C17orf75: variants seen among roughly 807,000 people sequenced by gnomAD.
The protein encoded by C17orf75 is chromosome 17 open reading frame 75, also known as protein Njmu-R1.
Under a neutral mutation model 49.6 loss-of-function variants are expected in C17orf75, and 32 were observed. The observed-to-expected ratio is 0.65, with a 90% confidence interval of 0.49 to 0.87. The LOEUF is 0.87. Among genes scored for constraint, C17orf75 ranks in the 40% least tolerant of loss-of-function variants. C17orf75 has a pLI of 0.00. For synonymous variants in C17orf75, 158 were observed against 159.5 expected (o/e 0.99, Z 0.07); for missense variants, 428 against 473.9 (o/e 0.90, Z 0.90).
chr17:32,337,441 C>T (rs2150776484), intron 5 of C17orf75, among the ~76,000 whole-genome samples: 1 of 151,142 alleles, frequency 6.6e-6, no homozygotes, highest in South Asian at 2.1e-4. Context: ...GCAGCCTGGG[C>T]AACAAAGCAA....
intron 1 of C17orf75, 76 bp from the exon 2 acceptor site, chr17:32,341,360 G>T: frequency 6.9e-7 from 1 of 1,444,110 alleles, no homozygotes; most frequent in South Asian, 1.1e-5. Flanking sequence ...TGGCAAGCAG[G>T]GTAAGGCAAG....
At chr17:32,344,889 AGAGT>A (rs1212690315), upstream of C17orf75, among the ~76,000 whole-genome samples, 1 of 152,006 alleles carries the variant, frequency 6.6e-6, no homozygotes, top group Non-Finnish European at 1.5e-5. Flanking sequence ...CCTGGGTGAC[AGAGT>A]GAGACTCTGT....
chr17:32,343,864 C>T, upstream of C17orf75: 1 of 677,538 alleles, frequency 1.5e-6, no homozygotes. Flanking sequence ...GAAGAACTTC[C>T]TGGAGAGGTT....
rs558134289 is a variant in C17orf75, at chr17:32,347,941, C to T, written c.-7+2001G>A. On this transcript the variant is annotated intron_variant, in intron 1 of 8. Transcript: ENST00000583774. ...CCCAGGTTGGTCTCACACTCCTGGC[C>T]TCAAGCCACCCTCTTGCCTCAGTCT... 1.4e-4 allele frequency among the ~76,000 whole-genome samples: 21 copies of T among 152,210 alleles called. 1 individual carries two copies. The highest frequency in any genetic ancestry group is 5.1e-4 in the African/African-American group (21 of 41,522).
Position 32,349,012 on chromosome 17 carries a change from C to T in C17orf75, c.-7+930G>A, listed in dbSNP as rs577077411. Among the ~76,000 whole-genome samples the T allele has an allele frequency of 1.1e-4, 16 of 152,028 alleles. No individual in the cohort carries two copies. The South Asian group carries it at 3.3e-3, about 32-fold the overall frequency. ...TCCCGAGTAGCTGAGGTTACAGGCG[C>T]CTGCCACTACGCCTGGCTAATTTTT... On this transcript the variant is annotated intron_variant, in intron 1 of 8. Coordinates refer to the C17orf75 transcript ENST00000583774.
chr17:32,336,048 G>A (rs1271432906), intron 5 of C17orf75, among the ~76,000 whole-genome samples: 1 of 152,180 alleles, frequency 6.6e-6, no homozygotes, highest in Non-Finnish European at 1.5e-5. Context: ...TCTAGTCCGG[G>A]AGAACAACTC....
At chr17:32,333,045 A>G (rs967364766) in intron 9 of C17orf75, among the ~76,000 whole-genome samples, 1 of 152,170 alleles carries the variant, frequency 6.6e-6, no homozygotes, top group Non-Finnish European at 1.5e-5. Context: ...TCCTGGCCTC[A>G]AGCAATCCAC....
upstream of C17orf75, chr17:32,343,859 A>T: frequency 1.5e-6 from 1 of 677,512 alleles, no homozygotes. Context: ...AAGCAGAAGA[A>T]CTTCCTGGAG....
intron 1 of C17orf75, among the ~76,000 whole-genome samples, chr17:32,349,178 A>C (rs2041458000): frequency 6.6e-6 from 1 of 151,962 alleles, no homozygotes; most frequent in Non-Finnish European, 1.5e-5. Context: ...TATCAGCTCC[A>C]GTCTTACCAC....
At chr17:32,335,623 G>T (rs1284431789) in intron 5 of C17orf75, among the ~76,000 whole-genome samples, 181 bp from the exon 6 acceptor site, 1 of 152,164 alleles carries the variant, frequency 6.6e-6, no homozygotes, top group Non-Finnish European at 1.5e-5. Context: ...GTTGGGCAGG[G>T]TGAGGGTTAA....
chr17:32,345,454 C>A (rs560868302), upstream of C17orf75, among the ~76,000 whole-genome samples: 118 of 151,948 alleles, frequency 7.8e-4, no homozygotes, highest in Non-Finnish European at 1.5e-3. Context: ...CCAGCCTGGG[C>A]AACAGAGTAA....
Position 32,331,525 on chromosome 17 carries a change from T to G in C17orf75, c.*238A>C. Reference sequence around the variant, plus strand: ...AGCAACAACTTCCTGAAGCGTGGAATTTATGGGGCCAGTGAGACACTAAAA... The same window carrying G: ...AGCAACAACTTCCTGAAGCGTGGAAGTTATGGGGCCAGTGAGACACTAAAA... On this transcript the variant is annotated 3_prime_UTR_variant, in exon 10 of 10. Coordinates refer to ENST00000577809, the MANE Select transcript of C17orf75 (RefSeq NM_022344.4). 2.5e-6 allele frequency: 1 copy of G among 397,838 alleles called. No homozygotes were observed. The highest frequency in any genetic ancestry group is 4.5e-6 in the Non-Finnish European group (1 of 223,742). 24.6% of individuals were successfully genotyped at this position (397,838 alleles called of 1,614,324 possible).
chr17:32,335,619 C>G (rs1373336493), intron 5 of C17orf75, among the ~76,000 whole-genome samples, 177 bp from the exon 6 acceptor site: 1 of 152,140 alleles, frequency 6.6e-6, no homozygotes, highest in Non-Finnish European at 1.5e-5. Context: ...GCTTGTTGGG[C>G]AGGGTGAGGG....
At chr17:32,340,194 C>A (rs1047244882) in intron 2 of C17orf75, among the ~76,000 whole-genome samples, 5 of 152,218 alleles carry the variant, frequency 3.3e-5, no homozygotes, top group African/African-American at 1.2e-4. Context: ...AATCCACTGA[C>A]CCTACCTCTT....
At chr17:32,334,291 T>C (rs1457313036) in intron 8 of C17orf75, among the ~76,000 whole-genome samples, 178 bp downstream of exon 8, 2 of 152,218 alleles carry the variant, frequency 1.3e-5, no homozygotes, top group Admixed American at 1.3e-4. Context: ...TTGCTAGGCA[T>C]GGCATGATTT....
At chr17:32,342,239 A>G, upstream of C17orf75, 1 of 1,375,112 alleles carries the variant, frequency 7.3e-7, no homozygotes, top group Non-Finnish European at 9.5e-7. Flanking sequence ...GCCCTCGCAC[A>G]CCTGCGTTCC....
intron 1 of C17orf75, 94 bp from the exon 2 acceptor site, chr17:32,341,378 C>T: frequency 3.2e-6 from 4 of 1,250,368 alleles, no homozygotes; most frequent in South Asian, 1.2e-5. Context: ...AAGGAGTCAA[C>T]TAAAAATGCT....
chr17:32,343,716 A>G (rs977559460), upstream of C17orf75: 3 of 592,288 alleles, frequency 5.1e-6, no homozygotes, highest in African/African-American at 5.6e-5. Context: ...TCTATCTCCC[A>G]TTCAGTAACA....
upstream of C17orf75, among the ~76,000 whole-genome samples, chr17:32,344,565 T>C (rs1309310137): frequency 7.1e-6 from 1 of 139,962 alleles, no homozygotes; most frequent in Non-Finnish European, 1.5e-5. Flanking sequence ...CACTCCAGCC[T>C]GGGCCATAGA....
Sources: gnomAD v4.1 joint callset for allele counts (sites outside exome capture counted in the v4.1 genomes callset) on GRCh38, gnomAD v4.1.1 for gene constraint, MANE v1.5 for transcripts, NCBI Gene and HGNC (gene_info 2026-07-23, HGNC 2026-07-21) for gene names.